TBC1D19: variants seen among roughly 807,000 people sequenced by gnomAD.
The protein encoded by TBC1D19 is TBC1 domain family member 19.
TBC1D19 carries 60 observed loss-of-function variants against 89.0 expected under a neutral mutation model. The observed-to-expected ratio is 0.67, with a 90% CI of 0.55 to 0.84. The LOEUF (loss-of-function observed/expected upper bound fraction) is 0.84, where lower values mean the gene tolerates loss of function less well. TBC1D19 is among the 40% of genes least tolerant of loss of function. The pLI is 0.00. For synonymous variants in TBC1D19, 189 were observed against 199.7 expected (o/e 0.95, Z 0.45); for missense variants, 500 against 610.8 (o/e 0.82, Z 1.91).
intron 7 of TBC1D19, among the ~76,000 whole-genome samples, chr4:26,644,571 A>G (rs1314716063): frequency 1.3e-5 from 2 of 152,238 alleles, no homozygotes; most frequent in Non-Finnish European, 2.9e-5. Context: ...AGTTCTGGCC[A>G]TGGCAATCAG....
chr4:26,610,100 G>A (rs1278569974), intron 1 of TBC1D19, among the ~76,000 whole-genome samples: 1 of 152,106 alleles, frequency 6.6e-6, no homozygotes, highest in Admixed American at 6.6e-5. Flanking sequence ...TTTAGAGGTG[G>A]TTGCAGTAAT....
At chr4:26,602,871 T>G (rs558359516) in intron 1 of TBC1D19, among the ~76,000 whole-genome samples, 1 of 152,326 alleles carries the variant, frequency 6.6e-6, no homozygotes, top group South Asian at 2.1e-4. Context: ...AATACACATC[T>G]TTTTAATATT....
intron 8 of TBC1D19, among the ~76,000 whole-genome samples, chr4:26,665,859 C>T (rs974767837): frequency 5.3e-5 from 8 of 151,928 alleles, no homozygotes; most frequent in Non-Finnish European, 1.2e-4. Context: ...ACTGAGTAGT[C>T]TGTTACCTAA....
the TBC1D19 span, among the ~76,000 whole-genome samples, chr4:26,800,511 G>GTA: frequency 6.6e-6 from 1 of 152,150 alleles, no homozygotes; most frequent in African/African-American, 2.4e-5. Context: ...AATCCTTTGG[G>GTA]TATATACCCA....
At chr4:26,785,046 A>C in the TBC1D19 span, among the ~76,000 whole-genome samples, 1 of 152,236 alleles carries the variant, frequency 6.6e-6, no homozygotes, top group Non-Finnish European at 1.5e-5. Flanking sequence ...ACTGCTTCAC[A>C]TGAGTTAAAA....
At chr4:26,596,300 C>G (rs1740207015) in intron 1 of TBC1D19, among the ~76,000 whole-genome samples, 1 of 152,042 alleles carries the variant, frequency 6.6e-6, no homozygotes, top group South Asian at 2.1e-4. Context: ...TTTGGATTTT[C>G]TATGCTTCTG....
At chr4:26,800,265 T>C in the TBC1D19 span, among the ~76,000 whole-genome samples, 1 of 152,202 alleles carries the variant, frequency 6.6e-6, no homozygotes, top group East Asian at 1.9e-4. Flanking sequence ...GTTTGGTTTT[T>C]TGTCCTTGCG....
At chr4:26,680,253 A>G (rs377162050) in intron 11 of TBC1D19, among the ~76,000 whole-genome samples, 3 of 152,354 alleles carry the variant, frequency 2.0e-5, no homozygotes, top group East Asian at 3.9e-4. Flanking sequence ...GGACTAATAC[A>G]TCTGATATCT....
At chr4:26,781,976 C>T in the TBC1D19 span, among the ~76,000 whole-genome samples, 23 of 152,132 alleles carry the variant, frequency 1.5e-4, no homozygotes, top group African/African-American at 5.1e-4. Context: ...TTAGAAAATA[C>T]AGAGAAACAT....
intron 15 of TBC1D19, among the ~76,000 whole-genome samples, chr4:26,726,050 A>G (rs1231731215): frequency 2.0e-5 from 3 of 152,036 alleles, no homozygotes; most frequent in Non-Finnish European, 4.4e-5. Flanking sequence ...ACAGAAGAAA[A>G]CAATTGTCAG....
the TBC1D19 span, among the ~76,000 whole-genome samples, chr4:26,804,750 C>T: frequency 1.3e-5 from 2 of 152,204 alleles, no homozygotes; most frequent in East Asian, 3.8e-4. Flanking sequence ...GATTTGAGCG[C>T]TGTGTGCGAT....
At chr4:26,794,630 AG>A in the TBC1D19 span, among the ~76,000 whole-genome samples, 503 of 152,338 alleles carry the variant, frequency 3.3e-3, 3 homozygotes, top group African/African-American at 0.011. Flanking sequence ...AATATGGAAA[AG>A]GTGACTTTAA....
At chr4:26,683,775 C>T in intron 12 of TBC1D19, 26 bp downstream of exon 12, 2 of 1,574,100 alleles carry the variant, frequency 1.3e-6, no homozygotes, top group South Asian at 1.2e-5. Flanking sequence ...CTTAGTTTTT[C>T]CTTTTCATTA....
At position 26,731,683 on chromosome 4, in the gene TBC1D19, GAAACA is replaced by G. The variant is rs113328275; in HGVS notation, c.1085-3764_1085-3760del. ...GAGTGCGCAGAAGAGAGAACTGCCA[GAAACA>G]AAACAAACACTCACAAAAAACTGAG... On this transcript the variant is annotated intron_variant, in intron 15 of 20. Coordinates refer to ENST00000264866, the MANE Select transcript of TBC1D19 (RefSeq NM_018317.4). 9.7e-3 allele frequency among the ~76,000 whole-genome samples: 1,479 copies of G among 152,216 alleles called. 13 individuals are homozygous for G. The highest frequency in any genetic ancestry group is 0.059 in the South Asian group (286 of 4,820).
rs552848828 is a variant in TBC1D19 at position 26,744,774 on chromosome 4, G to T, written c.1319+2175G>T. Among the ~76,000 whole-genome samples, 12 of 152,114 alleles carry T rather than the reference G, an allele frequency of 7.9e-5. 1 individual carries two copies. Among genetic ancestry groups the T allele is most frequent in the South Asian group, 4.1e-4 (2 of 4,828 alleles). ...AGTTGTTTTAAATGTGTTGAAGTTT[G>T]TTTTTTGATCCAGAACATGATCTGT... On this transcript the variant is annotated intron_variant, in intron 18 of 20. Transcript: ENST00000264866.
At chr4:26,581,579 C>T (rs998987800), upstream of TBC1D19, among the ~76,000 whole-genome samples, 1 of 152,188 alleles carries the variant, frequency 6.6e-6, no homozygotes, top group African/African-American at 2.4e-5. Flanking sequence ...CGTAGTATTC[C>T]ATGGTGTATA....
chr4:26,698,096 T>C (rs1489592156), intron 13 of TBC1D19, among the ~76,000 whole-genome samples: 1 of 152,192 alleles, frequency 6.6e-6, no homozygotes, highest in African/African-American at 2.4e-5. Flanking sequence ...ATGACATGAT[T>C]GTATATTTAG....
chr4:26,698,550 G>A (rs552250832), intron 13 of TBC1D19, among the ~76,000 whole-genome samples: 140 of 152,120 alleles, frequency 9.2e-4, no homozygotes, highest in African/African-American at 2.9e-3. Flanking sequence ...AGCCCACATC[G>A]CCAAGACAAT....
At chr4:26,736,967 C>T (rs897044763) in intron 16 of TBC1D19, among the ~76,000 whole-genome samples, 9 of 152,196 alleles carry the variant, frequency 5.9e-5, no homozygotes, top group Non-Finnish European at 1.2e-4. Context: ...TCAAGTGTTA[C>T]ATATAAACTT....
Sources: gnomAD v4.1 joint callset for allele counts (sites outside exome capture counted in the v4.1 genomes callset) on GRCh38, gnomAD v4.1.1 for gene constraint, MANE v1.5 for transcripts, NCBI Gene and HGNC (gene_info 2026-07-23, HGNC 2026-07-21) for gene names.